KCNC2: variants seen among roughly 807,000 people sequenced by gnomAD.
KCNC2 encodes potassium voltage-gated channel subfamily C member 2, also known as voltage-gated potassium channel KCNC2.
Under a neutral mutation model 44.5 loss-of-function variants are expected in KCNC2, and 21 were observed. That is an observed-to-expected ratio of 0.47 (90% confidence interval 0.33 to 0.68). KCNC2 has a LOEUF of 0.68. Ranked by LOEUF, KCNC2 falls within the 30% of genes least tolerant of loss-of-function variation. The pLI is 0.01. For synonymous variants in KCNC2, 391 were observed against 339.1 expected (o/e 1.15, Z -1.68); for missense variants, 589 against 826.2 (o/e 0.71, Z 3.52).
Position 75,159,262 on chromosome 12 carries a change from G to A in KCNC2, c.687+48035C>T, listed in dbSNP as rs1003532983. Among the ~76,000 whole-genome samples, 47 of 151,718 alleles carry A rather than the reference G, an allele frequency of 3.1e-4. 1 individual carries two copies. The highest frequency in any genetic ancestry group is 1.0e-3 in the African/African-American group (43 of 41,426). ...CTGCACATGTATCCCAGAATTTAAAGTATAATAAAAATAAAATATAATTAA... is the reference window on the plus strand; with the variant it reads ...CTGCACATGTATCCCAGAATTTAAAATATAATAAAAATAAAATATAATTAA... On this transcript the variant is annotated intron_variant, in intron 2 of 4. Coordinates refer to ENST00000549446, the MANE Select transcript of KCNC2 (RefSeq NM_139137.4).
intron 2 of KCNC2, among the ~76,000 whole-genome samples, chr12:75,064,063 T>A (rs566521515): frequency 6.6e-6 from 1 of 152,228 alleles, no homozygotes; most frequent in South Asian, 2.1e-4. Context: ...GAGAATACAA[T>A]GAAAAGATGC....
chr12:75,135,452 T>G (rs11612571), intron 2 of KCNC2, among the ~76,000 whole-genome samples: 4,672 of 152,144 alleles, frequency 0.031, 103 homozygotes, highest in East Asian at 0.061. Context: ...CCTTAAATTA[T>G]TTCCAGAGAA....
At chr12:75,169,130 A>C (rs1891647667) in intron 2 of KCNC2, among the ~76,000 whole-genome samples, 2 of 151,556 alleles carry the variant, frequency 1.3e-5, no homozygotes, top group South Asian at 4.1e-4. Flanking sequence ...ACTAATACAA[A>C]CATTAGATCA....
At chr12:75,135,492 C>T (rs1453724082) in intron 2 of KCNC2, among the ~76,000 whole-genome samples, 10 of 151,920 alleles carry the variant, frequency 6.6e-5, no homozygotes, top group Non-Finnish European at 7.4e-5. Flanking sequence ...TAAATAAATA[C>T]ATGCTTATAT....
At chr12:75,049,506 A>G (rs1042189718) in intron 3 of KCNC2, among the ~76,000 whole-genome samples, 1 of 152,122 alleles carries the variant, frequency 6.6e-6, no homozygotes, top group Admixed American at 6.6e-5. Flanking sequence ...AAGAGGTGAC[A>G]TCACTATTAC....
chr12:75,119,383 A>T (rs760785736), intron 2 of KCNC2, among the ~76,000 whole-genome samples: 1 of 152,130 alleles, frequency 6.6e-6, no homozygotes, highest in Non-Finnish European at 1.5e-5. Context: ...TCTAGTAGAG[A>T]TCGTGAAAAG....
At chr12:75,191,980 T>A (rs2030327913) in intron 2 of KCNC2, among the ~76,000 whole-genome samples, 1 of 152,212 alleles carries the variant, frequency 6.6e-6, no homozygotes, top group African/African-American at 2.4e-5. Flanking sequence ...ATGACCGCTA[T>A]AATGTACCTA....
At chr12:75,102,872 T>C (rs1886485323) in intron 2 of KCNC2, among the ~76,000 whole-genome samples, 1 of 152,046 alleles carries the variant, frequency 6.6e-6, no homozygotes, top group Admixed American at 6.6e-5. Context: ...CCTTCAATCT[T>C]ACAATAAGAT....
intron 2 of KCNC2, among the ~76,000 whole-genome samples, chr12:75,097,269 G>C (rs866016943): frequency 2.6e-5 from 4 of 152,048 alleles, no homozygotes; most frequent in Non-Finnish European, 5.9e-5. Flanking sequence ...ACAAATAGGT[G>C]GAGCACAGGG....
intron 2 of KCNC2, among the ~76,000 whole-genome samples, chr12:75,103,974 T>G (rs1886576505): frequency 6.6e-6 from 1 of 152,114 alleles, no homozygotes; most frequent in African/African-American, 2.4e-5. Flanking sequence ...GACGTAGGTA[T>G]TGTGGTGTGA....
At chr12:75,195,296 T>C (rs2137740524) in intron 2 of KCNC2, among the ~76,000 whole-genome samples, 1 of 152,232 alleles carries the variant, frequency 6.6e-6, no homozygotes, top group Middle Eastern at 3.4e-3. Flanking sequence ...GCATCTAATT[T>C]CATAACCATA....
intron 2 of KCNC2, among the ~76,000 whole-genome samples, chr12:75,084,244 TA>T (rs5799206): frequency 0.051 from 5,636 of 110,814 alleles, 482 homozygotes; most frequent in African/African-American, 0.17. Flanking sequence ...GATAGATAGA[TA>T]GATGATGATG....
intron 2 of KCNC2, among the ~76,000 whole-genome samples, chr12:75,052,954 T>G (rs35584610): frequency 6.6e-6 from 1 of 152,140 alleles, no homozygotes; most frequent in African/African-American, 2.4e-5. Context: ...GTTTTGGCAA[T>G]GTGGTCTGAT....
intron 2 of KCNC2, among the ~76,000 whole-genome samples, chr12:75,205,421 C>T (rs768324976): frequency 5.3e-5 from 8 of 152,092 alleles, no homozygotes; most frequent in Non-Finnish European, 1.2e-4. Flanking sequence ...AGATGCAGAT[C>T]AAAGTCTCAA....
At chr12:75,077,045 A>C (rs1186240096) in intron 2 of KCNC2, among the ~76,000 whole-genome samples, 1 of 152,222 alleles carries the variant, frequency 6.6e-6, no homozygotes, top group Admixed American at 6.5e-5. Flanking sequence ...GGATTCATAC[A>C]GCTAATCAAT....
At chr12:75,175,767 G>C (rs1892141884) in intron 2 of KCNC2, among the ~76,000 whole-genome samples, 1 of 151,986 alleles carries the variant, frequency 6.6e-6, no homozygotes, top group Non-Finnish European at 1.5e-5. Flanking sequence ...ATACTTTGGA[G>C]TTTCATTTCA....
chr12:75,128,384 T>G (rs190086097), intron 2 of KCNC2, among the ~76,000 whole-genome samples: 2 of 152,232 alleles, frequency 1.3e-5, no homozygotes. Context: ...TTAGTTAACA[T>G]ACCGAGTCAG....
At chr12:75,089,258 G>T (rs1885278204) in intron 2 of KCNC2, among the ~76,000 whole-genome samples, 1 of 151,664 alleles carries the variant, frequency 6.6e-6, no homozygotes, top group Non-Finnish European at 1.5e-5. Flanking sequence ...CTACTGTAAT[G>T]CGCTAAAGTA....
Position 75,207,423 on chromosome 12 carries a change from G to T in KCNC2, c.561C>A (p.Ala187=). 2 of 1,604,958 alleles carry T rather than the reference G, an allele frequency of 1.2e-6. 1 individual carries two copies. ...GDPGDDEDLA[A]KRLGIEDAAG... ...CCGCGTCCTCGATGCCCAGCCTCTTGGCCGCCAGGTCCTCGTCGTCGCCGG... is the reference window on the plus strand; with the variant it reads ...CCGCGTCCTCGATGCCCAGCCTCTTTGCCGCCAGGTCCTCGTCGTCGCCGG... Residue 187 remains alanine (A), a synonymous_variant, in exon 2 of 5, where the codon GCC becomes GCA. Transcript: ENST00000549446. This position sits in a 1 kb window ranked among gnomAD's most constrained non-coding sequence, Gnocchi z 4.1.
Sources: allele counts gnomAD v4.1 joint callset (sites outside exome capture counted in the v4.1 genomes callset), GRCh38; gene constraint gnomAD v4.1.1; non-coding constraint Gnocchi (gnomAD v3.1); transcripts MANE v1.5; gene names NCBI Gene and HGNC (gene_info 2026-07-23, HGNC 2026-07-21).